The following TSHZ2 variants were observed in gnomAD, a reference collection of about 807,000 sequenced individuals.
TSHZ2 encodes the protein teashirt zinc finger homeobox 2.
In TSHZ2, 21 loss-of-function variants were observed where a neutral mutation model predicts 74.4. That is an observed-to-expected ratio of 0.28 (90% CI 0.20 to 0.41). TSHZ2 has a LOEUF of 0.41. TSHZ2 is among the 10% of genes least tolerant of loss of function. TSHZ2 has a pLI of 1.00. For synonymous variants in TSHZ2, 540 were observed against 515.3 expected, an observed-to-expected ratio of 1.05 and a Z score of -0.65; for missense variants, 1,244 against 1,293.5, an observed-to-expected ratio of 0.96 and a Z score of 0.59.
At chr20:53,421,153 A>G (rs901411711) in intron 2 of TSHZ2, 3 of 152,424 alleles carry the variant, frequency 2.0e-5, no homozygotes, top group African/African-American at 7.2e-5. Context: ...TGGAGCAGAG[A>G]ATAAGACTCA....
intron 1 of TSHZ2, among the ~76,000 whole-genome samples, chr20:53,156,235 T>A (rs73620425): frequency 6.6e-6 from 1 of 152,224 alleles, no homozygotes; most frequent in East Asian, 1.9e-4. Context: ...AAAAAGCTAG[T>A]TGAAGAGGGT....
intron 2 of TSHZ2, among the ~76,000 whole-genome samples, chr20:53,331,213 T>C (rs1235528777): frequency 3.3e-5 from 5 of 152,196 alleles, no homozygotes; most frequent in African/African-American, 4.8e-5. Context: ...TGTTTTGTTT[T>C]TAACAAAGGC....
chr20:53,007,986 T>C (rs1486253103), intron 1 of TSHZ2, among the ~76,000 whole-genome samples: 1 of 152,112 alleles, frequency 6.6e-6, no homozygotes, highest in Non-Finnish European at 1.5e-5. Flanking sequence ...GTCAAGCCTA[T>C]GTTTGTAAAG....
intron 1 of TSHZ2, among the ~76,000 whole-genome samples, chr20:53,119,360 G>T (rs1401958624): frequency 6.6e-6 from 1 of 152,210 alleles, no homozygotes; most frequent in Admixed American, 6.5e-5. Flanking sequence ...GTTGCCAGTT[G>T]TCATCAAACT....
chr20:53,261,003 CAG>C (rs1990590203), intron 2 of TSHZ2, among the ~76,000 whole-genome samples: 1 of 152,210 alleles, frequency 6.6e-6, no homozygotes, highest in Non-Finnish European at 1.5e-5. Context: ...CCTCATTTTG[CAG>C]AGAGGTAAAC....
intron 1 of TSHZ2, 27 bp from the exon 2 acceptor site, chr20:53,253,472 G>A (rs780933014): frequency 7.0e-6 from 11 of 1,566,450 alleles, no homozygotes; most frequent in Admixed American, 1.9e-5. Flanking sequence ...TGTTACTGTC[G>A]TTTCATCTCT....
chr20:53,004,516 C>A (rs1982566513), intron 1 of TSHZ2, among the ~76,000 whole-genome samples: 2 of 152,070 alleles, frequency 1.3e-5, no homozygotes, highest in Admixed American at 1.3e-4. Flanking sequence ...AATTTTATAC[C>A]CAGAAGAACA....
chr20:53,453,508 T>C (rs1984900426), intron 2 of TSHZ2, among the ~76,000 whole-genome samples: 2 of 152,174 alleles, frequency 1.3e-5, no homozygotes, highest in African/African-American at 4.8e-5. Flanking sequence ...GCTCTAATAA[T>C]AGAGGAGGTT....
intron 1 of TSHZ2, among the ~76,000 whole-genome samples, chr20:53,128,818 C>T (rs1987021919): frequency 6.6e-6 from 1 of 152,120 alleles, no homozygotes; most frequent in Non-Finnish European, 1.5e-5. Flanking sequence ...GATTGGGTTT[C>T]ACCACATTGG....
chr20:53,158,754 A>G (rs987052465), intron 1 of TSHZ2, among the ~76,000 whole-genome samples: 1 of 152,134 alleles, frequency 6.6e-6, no homozygotes, highest in Admixed American at 6.5e-5. Context: ...TGGAGGGACA[A>G]GCTAAATCCC....
At chr20:53,051,203 G>C (rs1984446250) in intron 1 of TSHZ2, among the ~76,000 whole-genome samples, 1 of 152,122 alleles carries the variant, frequency 6.6e-6, no homozygotes, top group South Asian at 2.1e-4. Flanking sequence ...GCAGGGTGTG[G>C]TGGCTGGCGC....
chr20:53,019,747 A>G (rs140104290), intron 1 of TSHZ2, among the ~76,000 whole-genome samples: 68 of 152,198 alleles, frequency 4.5e-4, no homozygotes, highest in African/African-American at 1.5e-3. Context: ...GTTACAATCT[A>G]CTCGTAGAAT....
chr20:53,288,017 G>C (rs568097387), intron 2 of TSHZ2, among the ~76,000 whole-genome samples: 2 of 152,110 alleles, frequency 1.3e-5, no homozygotes, highest in South Asian at 4.2e-4. Flanking sequence ...CCATTATCGG[G>C]AGGCTGGCCA....
intron 1 of TSHZ2, among the ~76,000 whole-genome samples, chr20:52,983,565 C>T (rs1981645516): frequency 6.6e-6 from 1 of 152,208 alleles, no homozygotes; most frequent in Non-Finnish European, 1.5e-5. Flanking sequence ...GGATCTCTTT[C>T]ATAGGTCTAA....
intron 2 of TSHZ2, among the ~76,000 whole-genome samples, chr20:53,318,213 G>T (rs1444587081): frequency 2.0e-5 from 3 of 152,218 alleles, no homozygotes; most frequent in Admixed American, 6.5e-5. Context: ...AGTTCAGGAG[G>T]TAGAGAGAGA....
intron 2 of TSHZ2, among the ~76,000 whole-genome samples, chr20:53,344,701 G>C (rs1980366871): frequency 6.6e-6 from 1 of 152,076 alleles, no homozygotes; most frequent in African/African-American, 2.4e-5. Context: ...TTCCAACTGG[G>C]TATGTTAAAA....
chr20:53,253,478 TCTC>T lies in TSHZ2; in HGVS notation c.41-20_41-18del, dbSNP rs1990374768. 2 of 1,573,056 alleles carry T rather than the reference TCTC, an allele frequency of 1.3e-6. No homozygotes were observed. The highest frequency in any genetic ancestry group is 1.4e-5 in the African/African-American group (1 of 73,468). ...TATGGAGCCTGTTACTGTCGTTTCA[TCTC>T]TTCTTCTTCTCTTGCAGGCTACGCC... On this transcript the variant is annotated intron_variant, in intron 1 of 2. Coordinates refer to ENST00000371497, the MANE Select transcript of TSHZ2 (RefSeq NM_173485.6).
At chr20:53,202,110 T>C (rs1201092318) in intron 1 of TSHZ2, among the ~76,000 whole-genome samples, 2 of 152,200 alleles carry the variant, frequency 1.3e-5, no homozygotes, top group Non-Finnish European at 2.9e-5. Flanking sequence ...TCAGCTTCTA[T>C]TTAATGTTCT....
intron 1 of TSHZ2, among the ~76,000 whole-genome samples, chr20:53,042,968 G>A (rs746923950): frequency 6.6e-6 from 1 of 152,222 alleles, no homozygotes; most frequent in Non-Finnish European, 1.5e-5. Flanking sequence ...AAATTAGAGT[G>A]CATGATTCCA....
Sources: gnomAD v4.1 joint callset for allele counts (sites outside exome capture counted in the v4.1 genomes callset) on GRCh38, gnomAD v4.1.1 for gene constraint, MANE v1.5 for transcripts, NCBI Gene and HGNC (gene_info 2026-07-23, HGNC 2026-07-21) for gene names.